The following PLB1 variants were observed in gnomAD, a reference collection of about 807,000 sequenced individuals.
PLB1 encodes the protein phospholipase B1, membrane-associated.
Under a neutral mutation model 227.4 loss-of-function variants are expected in PLB1, and 242 were observed. The ratio of observed to expected loss-of-function variants is 1.06; its 90% CI spans 0.96 to 1.18. The LOEUF is 1.18. Ranked by LOEUF, PLB1 falls within the 50% of genes most tolerant of loss-of-function variation. PLB1 has a pLI of 0.00. For missense variants in PLB1, 1,858 were observed against 1,816.3 expected, an observed-to-expected ratio of 1.02 and a Z score of -0.42; for synonymous variants, 757 against 682.2, an observed-to-expected ratio of 1.11 and a Z score of -1.71.
intron 3 of PLB1, 120 bp downstream of exon 3, chr2:28,518,652 T>C: frequency 1.4e-6 from 1 of 692,164 alleles, no homozygotes; most frequent in Non-Finnish European, 2.6e-6. Context: ...CTCTTCCTTA[T>C]CCTCAGTCCC....
intron 1 of PLB1, among the ~76,000 whole-genome samples, chr2:28,497,629 G>A (rs927311263): frequency 6.6e-6 from 1 of 152,220 alleles, no homozygotes; most frequent in Admixed American, 6.5e-5. Flanking sequence ...TGCAGAGGCT[G>A]CAGTTTGGTT....
rs143724270 is a variant in PLB1 at position 28,540,686 on chromosome 2, G to A, written c.774+245G>A. On this transcript the variant is annotated intron_variant, in intron 12 of 57. Transcript: ENST00000327757. ...GGGTGCGAGTTGGGGGACAGTGGGG[G>A]TACTTGAGGCAAAAGATAGTGAGGA... is the stretch of plus-strand genomic sequence containing the variant. Among the ~76,000 whole-genome samples the A allele has an allele frequency of 7.3e-3, 1,115 of 152,242 alleles. 17 individuals carry two copies. The highest frequency in any genetic ancestry group is 0.026 in the African/African-American group (1,061 of 41,540).
chr2:28,554,316 T>C (rs1298267958), intron 17 of PLB1, among the ~76,000 whole-genome samples: 1 of 24,484 alleles, frequency 4.1e-5, no homozygotes, highest in African/African-American at 7.3e-5. Context: ...TATATGTCTA[T>C]ATAGAGAGAG....
Position 28,578,431 on chromosome 2 carries a change from C to T in PLB1, c.1485+273C>T, listed in dbSNP as rs543172830. Reference sequence around the variant, plus strand: ...CCTCAAGGAGCTTGGAAGCGGAGACCAATGTGAAGAATCAAATTATAAAAC... The same window carrying T: ...CCTCAAGGAGCTTGGAAGCGGAGACTAATGTGAAGAATCAAATTATAAAAC... On this transcript the variant is annotated intron_variant, in intron 22 of 57. Transcript: ENST00000327757. Among the ~76,000 whole-genome samples, 8 of 152,252 alleles carry T rather than the reference C, an allele frequency of 5.3e-5. No individual in the cohort carries two copies. The South Asian group carries it at 1.7e-3, about 32-fold the overall frequency.
rs115540164 is a variant in PLB1 at position 28,538,866 on chromosome 2, C to T, written c.619-233C>T. ...CTCCCCTGTGGACACTGGTGGGAGG[C>T]GCCCCGCCCACCGTGAGGGACAGAG... On this transcript the variant is annotated intron_variant, in intron 10 of 57. Coordinates refer to ENST00000327757, the MANE Select transcript of PLB1 (RefSeq NM_153021.5). Among the ~76,000 whole-genome samples the T allele has an allele frequency of 4.8e-3, 729 of 152,046 alleles. 6 individuals carry two copies. Among genetic ancestry groups the T allele is most frequent in the African/African-American group, 0.016 (674 of 41,462 alleles).
chr2:28,629,335 C>T (rs1197564784), intron 53 of PLB1, 150 bp downstream of exon 53: 11 of 606,382 alleles, frequency 1.8e-5, no homozygotes, highest in South Asian at 1.2e-4. Flanking sequence ...CAGGAAGTAC[C>T]TCTACATTTG....
intron 43 of PLB1, among the ~76,000 whole-genome samples, chr2:28,607,060 A>C (rs746252420): frequency 6.6e-6 from 1 of 152,146 alleles, no homozygotes; most frequent in Admixed American, 6.5e-5. Context: ...CCAGAGCTGT[A>C]TGGAGGAGGG....
intron 50 of PLB1, 76 bp from the exon 51 acceptor site, chr2:28,626,352 G>A (rs1043042885): frequency 8.8e-5 from 108 of 1,232,926 alleles, no homozygotes; most frequent in South Asian, 4.8e-4. Context: ...CTTGGAGGGC[G>A]GGCGGGCTGG....
At chr2:28,544,336 C>G (rs1318697998) in intron 14 of PLB1, among the ~76,000 whole-genome samples, 1 of 152,220 alleles carries the variant, frequency 6.6e-6, no homozygotes, top group Non-Finnish European at 1.5e-5. Flanking sequence ...GGAACCTGGC[C>G]CCTCCAGCAG....
At chr2:28,539,396 T>C (rs1323319571) in intron 11 of PLB1, among the ~76,000 whole-genome samples, 1 of 152,166 alleles carries the variant, frequency 6.6e-6, no homozygotes, top group Non-Finnish European at 1.5e-5. Context: ...AGTCAAAGAA[T>C]AAAATACTTT....
chr2:28,561,925 C>CT (rs1676112095), intron 17 of PLB1, among the ~76,000 whole-genome samples: 1 of 24,468 alleles, frequency 4.1e-5, no homozygotes, highest in East Asian at 0.014. Flanking sequence ...TTGATACATG[C>CT]TATAACAAAT....
chr2:28,604,070 G>A, intron 40 of PLB1, 23 bp downstream of exon 40: 1 of 1,587,040 alleles, frequency 6.3e-7, no homozygotes, highest in Non-Finnish European at 8.7e-7. Context: ...AGGGCACCAT[G>A]CTGTGTCCTC....
intron 43 of PLB1, among the ~76,000 whole-genome samples, chr2:28,610,093 T>TTTTA (rs144285305): frequency 1.3e-5 from 2 of 152,084 alleles, no homozygotes; most frequent in African/African-American, 4.8e-5. Flanking sequence ...ACACTTTCTT[T>TTTTA]TTTATTTATT....
rs1332199009 is a variant in PLB1, at chr2:28,567,086, T to C, written c.1324+247T>C. 2.6e-5 allele frequency among the ~76,000 whole-genome samples: 4 copies of C among 151,868 alleles called. No individual in the cohort carries two copies. The East Asian group carries it at 5.8e-4, about 22-fold the overall frequency. ...GGGGCGGGGAGGTGTCAAAAAGAAA[T>C]TGTGTTTGACCAAAGGAGGAAGAAA... On this transcript the variant is annotated intron_variant, in intron 20 of 57. Coordinates refer to ENST00000327757, the MANE Select transcript of PLB1 (RefSeq NM_153021.5).
chr2:28,506,628 C>T (rs1455514867), intron 1 of PLB1, among the ~76,000 whole-genome samples: 1 of 152,144 alleles, frequency 6.6e-6, no homozygotes, highest in African/African-American at 2.4e-5. Context: ...TAAGGTCATG[C>T]AGCAAGCGTG....
chr2:28,624,964 C>A, intron 49 of PLB1, 93 bp from the exon 50 acceptor site: 1 of 1,192,124 alleles, frequency 8.4e-7, no homozygotes. Context: ...CATCATTCTT[C>A]TTGAAACACC....
rs745861184 is a variant in PLB1, at chr2:28,620,275, G to C, written c.3326G>C (p.Gly1109Ala). Residue 1109 changes from glycine (G) to alanine (A), a missense_variant, in exon 47 of 58, where the codon GGA (glycine) becomes GCA (alanine). Coordinates refer to ENST00000327757, the MANE Select transcript of PLB1 (RefSeq NM_153021.5). The stretch of plus-strand genomic sequence containing the variant: ...TTTTGCTTTTTACAGACAGCAGTGG[G>C]AGCTCGACCAAACAACTCCAGTGAC... ...ALGDSLTTAV[G>A]ARPNNSSDLP... 6.2e-7 allele frequency: 1 copy of C among 1,602,744 alleles called. No individual in the cohort carries two copies. Among genetic ancestry groups the C allele is most frequent in the East Asian group, 2.2e-5 (1 of 44,680 alleles).
At chr2:28,515,625 T>C (rs930660514) in intron 1 of PLB1, among the ~76,000 whole-genome samples, 3 of 152,162 alleles carry the variant, frequency 2.0e-5, no homozygotes, top group Non-Finnish European at 2.9e-5. Context: ...CTCTAATAAA[T>C]TATTTTCAGG....
chr2:28,525,994 C>T (rs750242785), intron 6 of PLB1, 49 bp downstream of exon 6: 1 of 1,602,670 alleles, frequency 6.2e-7, no homozygotes, highest in East Asian at 2.2e-5. Context: ...CTCTCCTTCC[C>T]AACACAGCAG....
Sources: allele counts gnomAD v4.1 joint callset (sites outside exome capture counted in the v4.1 genomes callset), GRCh38; gene constraint gnomAD v4.1.1; transcripts MANE v1.5; gene names NCBI Gene and HGNC (gene_info 2026-07-23, HGNC 2026-07-21).